The following CCDC88C variants were observed in gnomAD, a reference collection of about 807,000 sequenced individuals.
CCDC88C encodes the protein protein Daple.
In CCDC88C, 131 loss-of-function variants were observed where a neutral mutation model predicts 198.8. The observed-to-expected ratio is 0.66, with a 90% CI of 0.57 to 0.76. The LOEUF is 0.76. CCDC88C is among the 30% of genes least tolerant of loss of function. CCDC88C has a pLI of 0.00. For missense variants in CCDC88C, 2,553 were observed against 2,631.6 expected, an observed-to-expected ratio of 0.97 and a Z score of 0.65; for synonymous variants, 1,166 against 1,114.7, an observed-to-expected ratio of 1.05 and a Z score of -0.92.
intron 3 of CCDC88C, among the ~76,000 whole-genome samples, chr14:91,366,475 G>A (rs1373244081): frequency 1.3e-5 from 2 of 151,810 alleles, no homozygotes; most frequent in South Asian, 2.1e-4. Flanking sequence ...AACAGAGCAA[G>A]ACGGTCTAAA....
In CCDC88C at chr14:91,319,579, G is replaced by A. The variant is rs142993625; in HGVS notation, c.1527+1541C>T. ...TTATCACTTTAGTCAACAACTCAAC[G>A]TCTGGTATTCGGTACCTTACTGGTT... is the stretch of plus-strand genomic sequence containing the variant. On this transcript the variant is annotated intron_variant, in intron 13 of 29. Coordinates refer to ENST00000389857, the MANE Select transcript of CCDC88C (RefSeq NM_001080414.4). Among the ~76,000 whole-genome samples the A allele has an allele frequency of 2.5e-3, 388 of 152,316 alleles. 2 individuals are homozygous for A. Among genetic ancestry groups the A allele is most frequent in the African/African-American group, 8.9e-3 (369 of 41,562 alleles).
At chr14:91,382,273 C>A (rs1366450313) in intron 3 of CCDC88C, among the ~76,000 whole-genome samples, 1 of 152,192 alleles carries the variant, frequency 6.6e-6, no homozygotes, top group African/African-American at 2.4e-5. Flanking sequence ...CTCAACACAG[C>A]CCTCTGGGCA....
intron 3 of CCDC88C, among the ~76,000 whole-genome samples, chr14:91,369,973 T>G (rs1280141023): frequency 6.6e-6 from 1 of 152,226 alleles, no homozygotes. Context: ...CCTAACTGCC[T>G]GTCCTTGTGG....
chr14:91,288,849 T>C lies in CCDC88C; in HGVS notation c.4441+256A>G. ...AACCTGGGAGGCAGCCAGGCTGCAC[T>C]CTAGCCTGGGCAACAAGAGTGAAAC... is the stretch of plus-strand genomic sequence containing the variant. On this transcript the variant is annotated intron_variant, in intron 25 of 29. Transcript: ENST00000389857. The surrounding 1 kb of genome is among the most constrained non-coding windows in gnomAD (Gnocchi z 4.2). 2.6e-6 allele frequency: 1 copy of C among 377,988 alleles called. No homozygotes were observed. Among genetic ancestry groups the C allele is most frequent in the Non-Finnish European group, 4.7e-6 (1 of 210,780 alleles). The allele number at this position is 377,988 out of a possible 1,614,324, so 23.4% of individuals were successfully genotyped here.
intron 13 of CCDC88C, among the ~76,000 whole-genome samples, chr14:91,316,828 C>A (rs966738404): frequency 6.6e-6 from 1 of 152,190 alleles, no homozygotes; most frequent in South Asian, 2.1e-4. Flanking sequence ...TCCTATACTC[C>A]GGTCCATCCC....
intron 3 of CCDC88C, among the ~76,000 whole-genome samples, chr14:91,388,035 G>C (rs1014541109): frequency 5.3e-4 from 81 of 152,188 alleles, no homozygotes; most frequent in African/African-American, 1.7e-3. Context: ...CTGCCTTGCG[G>C]CTGGGGATTC....
intron 3 of CCDC88C, among the ~76,000 whole-genome samples, chr14:91,367,968 ACTC>A (rs1894617824): frequency 6.6e-6 from 1 of 151,134 alleles, no homozygotes; most frequent in Non-Finnish European, 1.5e-5. Context: ...TCTCCCCTGA[ACTC>A]CTAATGCTTC....
At chr14:91,404,914 G>A (rs926181082) in intron 3 of CCDC88C, among the ~76,000 whole-genome samples, 4 of 149,414 alleles carry the variant, frequency 2.7e-5, no homozygotes, top group Admixed American at 6.7e-5. Context: ...GCAGTGAGCC[G>A]AGATCACGCC....
chr14:91,355,165 C>A (rs1003180114), intron 4 of CCDC88C, among the ~76,000 whole-genome samples: 1 of 152,068 alleles, frequency 6.6e-6, no homozygotes, highest in African/African-American at 2.4e-5. Flanking sequence ...AGCAGCCAGG[C>A]GGAAGCAGGG....
In CCDC88C at chr14:91,325,195, CTG is replaced by C. The variant is rs772650440; in HGVS notation, c.1198-274_1198-273del. On this transcript the variant is annotated intron_variant, in intron 11 of 29. Coordinates refer to ENST00000389857, the MANE Select transcript of CCDC88C (RefSeq NM_001080414.4). The surrounding 1 kb of genome is among the most constrained non-coding windows in gnomAD (Gnocchi z 4.1). ...AATGCTGTCTGAACAAAGTGACATA[CTG>C]CACAGGGCTTTAAAGCAAGTGTGCA... Among the ~76,000 whole-genome samples the C allele has an allele frequency of 6.6e-6, 1 of 152,234 alleles. No homozygotes were observed. The highest frequency in any genetic ancestry group is 6.5e-5 in the Admixed American group (1 of 15,286).
chr14:91,416,739 T>C lies in CCDC88C; in HGVS notation c.160A>G (p.Ile54Val). Residue 54 changes from isoleucine (I) to valine (V), a missense_variant and splice_region_variant, in exon 2 of 30, where the codon ATA (isoleucine) becomes GTA (valine). Physicochemically the swap from Ile to Val is conservative, Grantham distance 29 (BLOSUM62 3). Coordinates refer to ENST00000389857, the MANE Select transcript of CCDC88C (RefSeq NM_001080414.4). ...TCCTCCGAGAAGAAGGTAACTTACA[T>C]TTGCAGCATAATTTGGTTCAAAAAG... ...GIFLNQIMLQ[I>V]DPRPTNQRIN... The C allele has an allele frequency of 3.1e-6, 5 of 1,600,972 alleles. No individual in the cohort carries two copies. The highest frequency in any genetic ancestry group is 4.3e-6 in the Non-Finnish European group (5 of 1,168,466).
chr14:91,280,768 T>C (rs1394354338), intron 27 of CCDC88C, among the ~76,000 whole-genome samples: 2 of 152,190 alleles, frequency 1.3e-5, no homozygotes, highest in Non-Finnish European at 2.9e-5. Flanking sequence ...ATTCATTCAA[T>C]TGTTTCATTA....
At chr14:91,360,025 G>C (rs1894234233) in intron 3 of CCDC88C, among the ~76,000 whole-genome samples, 1 of 152,136 alleles carries the variant, frequency 6.6e-6, no homozygotes, top group Non-Finnish European at 1.5e-5. Flanking sequence ...TAGGTAGAGA[G>C]GTCTTGGAAA....
rs1892848316 is a variant in CCDC88C, at chr14:91,331,924, G to C, written c.1051-5868C>G. Among the ~76,000 whole-genome samples, 3 of 152,098 alleles carry C rather than the reference G, an allele frequency of 2.0e-5. No individual in the cohort carries two copies. In the East Asian group the frequency reaches 5.8e-4, roughly 29 times the overall value. ...TGCCCAGGTAGGTCTCTGCCTCTGG[G>C]TGTAGACTGTGCCCAGCTAGGTCTC... On this transcript the variant is annotated intron_variant, in intron 10 of 29. Transcript: ENST00000389857.
chr14:91,309,025 G>A (rs996950369), intron 16 of CCDC88C, among the ~76,000 whole-genome samples: 5 of 152,126 alleles, frequency 3.3e-5, no homozygotes, highest in East Asian at 1.9e-4. Context: ...TCAGGCGTTC[G>A]AGACCAGTCT....
intron 21 of CCDC88C, among the ~76,000 whole-genome samples, chr14:91,297,908 C>T (rs1286043877): frequency 6.6e-6 from 1 of 152,188 alleles, no homozygotes; most frequent in Non-Finnish European, 1.5e-5. Context: ...AAAATTCTGT[C>T]TCTGCCCAGC....
intron 15 of CCDC88C, among the ~76,000 whole-genome samples, chr14:91,312,692 T>C: frequency 6.6e-6 from 1 of 152,070 alleles, no homozygotes; most frequent in East Asian, 1.9e-4. Context: ...CAAAAATAAA[T>C]AAATAAATAC....
At chr14:91,293,517 C>CCCATCCTCACCCGCCACAGCTCA (rs1890830621) in intron 23 of CCDC88C, among the ~76,000 whole-genome samples, 1 of 131,478 alleles carries the variant, frequency 7.6e-6, no homozygotes, top group Non-Finnish European at 1.7e-5. Flanking sequence ...GGCCTACCTT[C>CCCATCCTCACCCGCCACAGCTCA]CTGTCCCCTC....
chr14:91,299,431 G>A (rs552977111), intron 21 of CCDC88C, among the ~76,000 whole-genome samples: 1 of 152,214 alleles, frequency 6.6e-6, no homozygotes, highest in Non-Finnish European at 1.5e-5. Flanking sequence ...AGAAGGCAGC[G>A]TGCTGTCGTG....
Sources: allele counts gnomAD v4.1 joint callset (sites outside exome capture counted in the v4.1 genomes callset), GRCh38; gene constraint gnomAD v4.1.1; non-coding constraint Gnocchi (gnomAD v3.1); transcripts MANE v1.5; gene names NCBI Gene and HGNC (gene_info 2026-07-23, HGNC 2026-07-21).